The following GABRG3 variants were observed in gnomAD, a reference collection of about 807,000 sequenced individuals.
The protein encoded by GABRG3 is gamma-aminobutyric acid type A receptor subunit gamma3.
Under a neutral mutation model 48.8 loss-of-function variants are expected in GABRG3, and 25 were observed. The ratio of observed to expected loss-of-function variants is 0.51; its 90% confidence interval spans 0.37 to 0.72. The LOEUF (loss-of-function observed/expected upper bound fraction) is 0.72, where lower values mean the gene tolerates loss of function less well. GABRG3 is among the 30% of genes least tolerant of loss of function. The probability of loss-of-function intolerance (pLI) is 0.00; values close to 1 mark genes in which losing one functional copy is unlikely to be tolerated. For missense variants in GABRG3, 394 were observed against 577.9 expected (o/e 0.68, Z 3.26); for synonymous variants, 227 against 217.6 (o/e 1.04, Z -0.38).
chr15:26,987,267 C>A (rs1329273167), intron 2 of GABRG3, among the ~76,000 whole-genome samples: 2 of 152,180 alleles, frequency 1.3e-5, no homozygotes, highest in African/African-American at 2.4e-5. Flanking sequence ...TACTTCCCAG[C>A]TCCACACAGT....
intron 3 of GABRG3, among the ~76,000 whole-genome samples, chr15:27,124,102 T>C (rs1897777626): frequency 6.6e-6 from 1 of 152,184 alleles, no homozygotes; most frequent in South Asian, 2.1e-4. Context: ...GTTTAACTCA[T>C]GTTAAGATCA....
chr15:27,373,492 C>T (rs756578946), intron 5 of GABRG3, among the ~76,000 whole-genome samples: 6 of 152,128 alleles, frequency 3.9e-5, no homozygotes, highest in Non-Finnish European at 7.4e-5. Context: ...TTATTTGGAT[C>T]TCTGCTAGGC....
chr15:27,342,970 C>T (rs1405139660), intron 5 of GABRG3, among the ~76,000 whole-genome samples: 3 of 152,336 alleles, frequency 2.0e-5, no homozygotes, highest in South Asian at 2.1e-4. Context: ...CAAGGGGATG[C>T]GCTCAGCAAG....
intron 3 of GABRG3, among the ~76,000 whole-genome samples, chr15:27,306,665 T>A (rs1892496910): frequency 1.1e-5 from 1 of 91,782 alleles, no homozygotes; most frequent in Non-Finnish European, 2.3e-5. Context: ...TATGAACATG[T>A]TTATATATAA....
At chr15:27,116,832 C>T (rs1372272290) in intron 3 of GABRG3, among the ~76,000 whole-genome samples, 1 of 152,198 alleles carries the variant, frequency 6.6e-6, no homozygotes, top group Non-Finnish European at 1.5e-5. Context: ...TCATGCCTTC[C>T]TCCCTGTAAG....
intron 9 of GABRG3, among the ~76,000 whole-genome samples, chr15:27,529,463 C>T (rs77101417): frequency 0.021 from 3,256 of 152,074 alleles, 104 homozygotes; most frequent in African/African-American, 0.072. Flanking sequence ...CCCCATAAGC[C>T]GCAGGTGGTT....
At chr15:27,161,119 T>G (rs754798340) in intron 3 of GABRG3, 2 of 152,124 alleles carry the variant, frequency 1.3e-5, no homozygotes, top group Non-Finnish European at 2.9e-5. Flanking sequence ...TTTCTTCTGT[T>G]TTGGACCCAT....
At chr15:27,102,978 T>C (rs891522452) in intron 3 of GABRG3, among the ~76,000 whole-genome samples, 1 of 152,252 alleles carries the variant, frequency 6.6e-6, no homozygotes, top group African/African-American at 2.4e-5. Context: ...GAATACTTTC[T>C]TTAATTGTTT....
rs185593598 is a variant in GABRG3, at chr15:27,448,848, A to C, written c.575-31802A>C. Among the ~76,000 whole-genome samples the C allele has an allele frequency of 9.4e-4, 143 of 152,226 alleles. 1 individual carries two copies. The highest frequency in any genetic ancestry group is 2.1e-4 in the Non-Finnish European group (14 of 68,008). Reference sequence around the variant, plus strand: ...ACGAAGTTATTTAAAAAAAAAACAGATAAAAATTATTTAAAAGTAGCCACC... The same window carrying C: ...ACGAAGTTATTTAAAAAAAAAACAGCTAAAAATTATTTAAAAGTAGCCACC... On this transcript the variant is annotated intron_variant, in intron 5 of 9. Coordinates refer to ENST00000615808, the MANE Select transcript of GABRG3 (RefSeq NM_033223.5).
rs114412665 is a variant in GABRG3, at chr15:27,452,500, A to C, written c.575-28150A>C. ...CAGCCTACTGTTGACTGAGAGCCCT[A>C]CCTATAACAAAAACAGTCAATTAAC... On this transcript the variant is annotated intron_variant, in intron 5 of 9. Coordinates refer to ENST00000615808, the MANE Select transcript of GABRG3 (RefSeq NM_033223.5). 4.0e-3 allele frequency among the ~76,000 whole-genome samples: 605 copies of C among 152,322 alleles called. 3 individuals carry two copies. Among genetic ancestry groups the C allele is most frequent in the African/African-American group, 0.014 (573 of 41,570 alleles).
At chr15:27,420,156 CCTT>C (rs1418253834) in intron 5 of GABRG3, among the ~76,000 whole-genome samples, 12 of 152,170 alleles carry the variant, frequency 7.9e-5, no homozygotes, top group Non-Finnish European at 1.2e-4. Flanking sequence ...TTAGAATACT[CCTT>C]CTCTCAACTT....
At chr15:27,082,048 A>T (rs1034159183) in intron 3 of GABRG3, among the ~76,000 whole-genome samples, 1 of 152,192 alleles carries the variant, frequency 6.6e-6, no homozygotes, top group Non-Finnish European at 1.5e-5. Context: ...CAGTCACATC[A>T]CATTACAAAT....
intron 5 of GABRG3, among the ~76,000 whole-genome samples, chr15:27,346,613 A>G (rs1894382329): frequency 7.0e-6 from 1 of 143,582 alleles, no homozygotes; most frequent in Admixed American, 7.3e-5. Flanking sequence ...TGGTTCATGA[A>G]TGTTCTAGTC....
At chr15:27,293,291 A>G (rs1891854764) in intron 3 of GABRG3, among the ~76,000 whole-genome samples, 1 of 152,228 alleles carries the variant, frequency 6.6e-6, no homozygotes. Context: ...TTGCAACATT[A>G]TATAACAAAG....
At chr15:27,218,748 G>A (rs779072736) in intron 3 of GABRG3, among the ~76,000 whole-genome samples, 10 of 152,120 alleles carry the variant, frequency 6.6e-5, no homozygotes, top group Admixed American at 1.3e-4. Context: ...CATAGTGCTC[G>A]GGAGTCAGAT....
intron 6 of GABRG3, among the ~76,000 whole-genome samples, chr15:27,513,549 A>G (rs1481895772): frequency 6.6e-6 from 1 of 152,240 alleles, no homozygotes; most frequent in Admixed American, 6.5e-5. Flanking sequence ...CAGGTTTAGT[A>G]ATACCGAGGA....
At chr15:27,069,451 C>A (rs539798904) in intron 3 of GABRG3, among the ~76,000 whole-genome samples, 1 of 152,180 alleles carries the variant, frequency 6.6e-6, no homozygotes, top group Non-Finnish European at 1.5e-5. Flanking sequence ...TGCACTTCTA[C>A]GGTTCTACCG....
chr15:27,469,334 T>C (rs1889714246), intron 5 of GABRG3, among the ~76,000 whole-genome samples: 1 of 152,144 alleles, frequency 6.6e-6, no homozygotes, highest in Non-Finnish European at 1.5e-5. Flanking sequence ...GTCTCTCTTC[T>C]TTTTTATTTT....
rs117035427 is a variant in GABRG3 at position 27,056,500 on chromosome 15, C to T, written c.270+29679C>T. Among the ~76,000 whole-genome samples the T allele has an allele frequency of 3.8e-3, 571 of 152,100 alleles. 6 individuals carry two copies. The South Asian group carries it at 0.043, about 12-fold the overall frequency. ...CAGCCTGAGAATTTGCAAGAATGTT[C>T]TAAAAGTGATCATGCAGTGCTGGAA... On this transcript the variant is annotated intron_variant, in intron 3 of 9. Transcript: ENST00000615808.
Sources: allele counts gnomAD v4.1 joint callset (sites outside exome capture counted in the v4.1 genomes callset), GRCh38; gene constraint gnomAD v4.1.1; transcripts MANE v1.5; gene names NCBI Gene and HGNC (gene_info 2026-07-23, HGNC 2026-07-21).